Variants in AKR1E2 observed in about 807,000 individuals in gnomAD.
The protein encoded by AKR1E2 is aldo-keto reductase family 1 member E2.
In AKR1E2, 43 loss-of-function variants were observed where a neutral mutation model predicts 41.9. That is an observed-to-expected ratio of 1.03 (90% CI 0.80 to 1.32). The LOEUF is 1.32. AKR1E2 is among the 40% of genes most tolerant of loss of function. The probability of loss-of-function intolerance (pLI) is 0.00; values close to 1 mark genes in which losing one functional copy is unlikely to be tolerated. For synonymous variants in AKR1E2, 121 were observed against 138.9 expected, an observed-to-expected ratio of 0.87 and a Z score of 0.91; for missense variants, 423 against 396.5, an observed-to-expected ratio of 1.07 and a Z score of -0.57.
the AKR1E2 span, among the ~76,000 whole-genome samples, chr10:4,854,186 C>T: frequency 6.6e-6 from 1 of 151,640 alleles, no homozygotes; most frequent in Admixed American, 6.6e-5. Context: ...CTCCACCTCC[C>T]GGGTTCAAGT....
the AKR1E2 span, among the ~76,000 whole-genome samples, chr10:4,862,331 T>G: frequency 6.6e-6 from 1 of 152,250 alleles, no homozygotes; most frequent in South Asian, 2.1e-4. Flanking sequence ...TTGGTTACTG[T>G]AGCCTTGTAG....
At chr10:4,839,226 T>C (rs1833681078) in intron 5 of AKR1E2, among the ~76,000 whole-genome samples, 1 of 152,212 alleles carries the variant, frequency 6.6e-6, no homozygotes, top group African/African-American at 2.4e-5. Flanking sequence ...ATTCAGTGGA[T>C]ATATTTTTAG....
intron 8 of AKR1E2, among the ~76,000 whole-genome samples, chr10:4,843,617 A>G (rs1467812145): frequency 6.6e-6 from 1 of 152,182 alleles, no homozygotes; most frequent in African/African-American, 2.4e-5. Flanking sequence ...AAGCATCGCC[A>G]TTGGGGTTTA....
At chr10:4,847,322 A>T in intron 9 of AKR1E2, 92 bp downstream of exon 9, 1 of 1,583,508 alleles carries the variant, frequency 6.3e-7, no homozygotes, top group South Asian at 1.2e-5. Flanking sequence ...CACATTTTAG[A>T]TTAATTAAAC....
At chr10:4,868,373 C>A in the AKR1E2 span, among the ~76,000 whole-genome samples, 1 of 152,142 alleles carries the variant, frequency 6.6e-6, no homozygotes, top group Admixed American at 6.5e-5. Flanking sequence ...TTTAGTTGCT[C>A]TGGTCAAAAT....
chr10:4,825,425 T>C (rs1365576901), upstream of AKR1E2, among the ~76,000 whole-genome samples: 1 of 152,080 alleles, frequency 6.6e-6, no homozygotes, highest in Non-Finnish European at 1.5e-5. Flanking sequence ...CCACTGGCCC[T>C]GGGGGAGCCC....
chr10:4,825,927 G>T (rs540418356), upstream of AKR1E2, among the ~76,000 whole-genome samples: 3,050 of 152,144 alleles, frequency 0.02, 103 homozygotes, highest in African/African-American at 0.069. Context: ...CACACCTAAG[G>T]TGGGGGCGTG....
At chr10:4,840,915 T>G (rs557461052) in intron 6 of AKR1E2, among the ~76,000 whole-genome samples, 83 of 152,324 alleles carry the variant, frequency 5.4e-4, no homozygotes, top group Middle Eastern at 3.4e-3. Flanking sequence ...TTATTTATTC[T>G]TCTCTTCCCA....
chr10:4,852,181 G>A (rs956286554), downstream of AKR1E2, among the ~76,000 whole-genome samples: 1 of 152,148 alleles, frequency 6.6e-6, no homozygotes, highest in Non-Finnish European at 1.5e-5. Context: ...TGAGTCACAC[G>A]AGTTCAAGCC....
Position 4,847,928 on chromosome 10 carries a change from T to G in AKR1E2, c.*398T>G. On this transcript the variant is annotated 3_prime_UTR_variant, in exon 10 of 10. Coordinates refer to ENST00000298375, the MANE Select transcript of AKR1E2 (RefSeq NM_001040177.3). ...CCAGGCCAGCCCGCGTCACCTACAC[T>G]TCCTTCTGTGCCCTGCCAGTGACCC... 5.6e-6 allele frequency: 1 copy of G among 178,670 alleles called. No individual in the cohort carries two copies. The highest frequency in any genetic ancestry group is 1.2e-5 in the Non-Finnish European group (1 of 86,284). 11.1% of individuals were successfully genotyped at this position (178,670 alleles called of 1,614,324 possible). A position where few individuals can be genotyped will look rare whatever the true frequency, so the allele number is the denominator to read the frequency against.
chr10:4,839,928 T>C, intron 6 of AKR1E2, 102 bp downstream of exon 6: 1 of 1,084,064 alleles, frequency 9.2e-7, no homozygotes, highest in South Asian at 1.3e-5. Context: ...ATGGAGGTTT[T>C]GACAGGGTGT....
At chr10:4,829,300 T>C (rs1271330414) in intron 1 of AKR1E2, among the ~76,000 whole-genome samples, 1 of 152,230 alleles carries the variant, frequency 6.6e-6, no homozygotes, top group Non-Finnish European at 1.5e-5. Context: ...GATTTTCTAA[T>C]ATCAAACCAT....
At chr10:4,840,594 C>T (rs79097632) in intron 6 of AKR1E2, among the ~76,000 whole-genome samples, 2,496 of 152,320 alleles carry the variant, frequency 0.016, 51 homozygotes, top group African/African-American at 0.056. Flanking sequence ...CTCTGCCTGC[C>T]TCTGGCCTCA....
At chr10:4,869,475 C>A in the AKR1E2 span, among the ~76,000 whole-genome samples, 2,690 of 152,044 alleles carry the variant, frequency 0.018, 38 homozygotes, top group Middle Eastern at 0.051. Context: ...ACAACCAATT[C>A]TTTGCTTCAT....
At chr10:4,830,897 G>A in intron 2 of AKR1E2, 55 bp downstream of exon 2, 1 of 1,601,140 alleles carries the variant, frequency 6.2e-7, no homozygotes, top group South Asian at 1.1e-5. Context: ...CATCTCTGGA[G>A]GGCTTTCTAC....
Position 4,830,129 on chromosome 10 carries a change from C to T in AKR1E2, c.40-546C>T, listed in dbSNP as rs541019371. ...CTTCAGTTTAATGAGACTGCAAACC[C>T]GCCCACCCCCATAGTCTTCCCTAGT... On this transcript the variant is annotated intron_variant, in intron 1 of 9. Transcript: ENST00000298375. Among the ~76,000 whole-genome samples, 15 of 152,292 alleles carry T rather than the reference C, an allele frequency of 9.8e-5. No homozygotes were observed. In the East Asian group the frequency reaches 1.3e-3, roughly 14 times the overall value.
intron 8 of AKR1E2, among the ~76,000 whole-genome samples, chr10:4,846,633 C>T (rs59194258): frequency 6.6e-6 from 1 of 151,748 alleles, no homozygotes; most frequent in African/African-American, 2.4e-5. Flanking sequence ...GCAACCTCCA[C>T]CTCCTGGGTT....
intron 4 of AKR1E2, 109 bp from the exon 5 acceptor site, chr10:4,837,350 A>T: frequency 7.1e-7 from 1 of 1,412,788 alleles, no homozygotes; most frequent in Non-Finnish European, 9.5e-7. Context: ...AATATTGTAA[A>T]AATATTGGGT....
intron 8 of AKR1E2, 79 bp downstream of exon 8, chr10:4,842,583 C>CAGT: frequency 6.6e-6 from 9 of 1,362,974 alleles, no homozygotes; most frequent in Non-Finnish European, 9.4e-6. Context: ...TAGCATACAG[C>CAGT]CTCAGGGTTG....
Sources: allele counts gnomAD v4.1 joint callset (sites outside exome capture counted in the v4.1 genomes callset), GRCh38; gene constraint gnomAD v4.1.1; transcripts MANE v1.5; gene names NCBI Gene and HGNC (gene_info 2026-07-23, HGNC 2026-07-21).